The following GABRB2 variants were observed in gnomAD, a reference collection of about 807,000 sequenced individuals.
GABRB2 encodes gamma-aminobutyric acid receptor subunit beta-2.
In GABRB2, 16 loss-of-function variants were observed where a neutral mutation model predicts 54.7. The observed-to-expected ratio is 0.29, with a 90% CI of 0.20 to 0.44. The LOEUF is 0.44. Ranked by LOEUF, GABRB2 falls within the 20% of genes least tolerant of loss-of-function variation. GABRB2 has a pLI of 1.00. For missense variants in GABRB2, 355 were observed against 644.0 expected, an observed-to-expected ratio of 0.55 and a Z score of 4.86; for synonymous variants, 244 against 233.8, an observed-to-expected ratio of 1.04 and a Z score of -0.40.
chr5:161,471,695 A>G (rs1004539073), intron 3 of GABRB2, among the ~76,000 whole-genome samples: 1 of 152,006 alleles, frequency 6.6e-6, no homozygotes, highest in African/African-American at 2.4e-5. Context: ...ATCCAGCCCT[A>G]TAACTGCCTA....
chr5:161,355,395 T>C (rs1754589698), intron 5 of GABRB2, among the ~76,000 whole-genome samples: 1 of 149,742 alleles, frequency 6.7e-6, no homozygotes, highest in African/African-American at 2.4e-5. Flanking sequence ...ATAACAACTG[T>C]CACAGTTGTG....
At chr5:161,309,131 A>G (rs1284460917) in intron 9 of GABRB2, among the ~76,000 whole-genome samples, 1 of 152,236 alleles carries the variant, frequency 6.6e-6, no homozygotes, top group Non-Finnish European at 1.5e-5. Flanking sequence ...AATATCCAGC[A>G]TCTATAAGAA....
chr5:161,402,406 A>T (rs1381244637), intron 5 of GABRB2, among the ~76,000 whole-genome samples: 1 of 152,168 alleles, frequency 6.6e-6, no homozygotes, highest in Non-Finnish European at 1.5e-5. Context: ...TTATGACAGC[A>T]TATTTACCTT....
intron 3 of GABRB2, among the ~76,000 whole-genome samples, chr5:161,523,310 A>G (rs1212868024): frequency 1.3e-5 from 2 of 151,512 alleles, no homozygotes; most frequent in Non-Finnish European, 3.0e-5. Flanking sequence ...AAATTCCTGC[A>G]TTTCTACCAG....
chr5:161,371,464 T>A (rs1002950995), intron 5 of GABRB2, among the ~76,000 whole-genome samples: 1 of 152,136 alleles, frequency 6.6e-6, no homozygotes, highest in Non-Finnish European at 1.5e-5. Flanking sequence ...TGAAAAAGCT[T>A]ATTGGTTTGA....
chr5:161,334,735 G>T lies in GABRB2; in HGVS notation c.832+17C>A. Reference sequence around the variant, plus strand: ...CACACAGAGTCAAAATCCACAAGCAGTAATAAAATGGCCTACCTAATGCCA... The same window carrying T: ...CACACAGAGTCAAAATCCACAAGCATTAATAAAATGGCCTACCTAATGCCA... On this transcript the variant is annotated intron_variant, in intron 7 of 9. Coordinates refer to ENST00000393959, the MANE Select transcript of GABRB2 (RefSeq NM_001371727.1). 1.2e-6 allele frequency: 2 copies of T among 1,612,244 alleles called. No homozygotes were observed. Among genetic ancestry groups the T allele is most frequent in the Non-Finnish European group, 1.7e-6 (2 of 1,179,124 alleles).
At chr5:161,491,058 G>C (rs1343310023) in intron 3 of GABRB2, among the ~76,000 whole-genome samples, 1 of 151,616 alleles carries the variant, frequency 6.6e-6, no homozygotes, top group Admixed American at 6.6e-5. Flanking sequence ...GATAAAGCCA[G>C]CATTATAAAA....
chr5:161,542,637 G>A (rs891790320), intron 3 of GABRB2, among the ~76,000 whole-genome samples: 1 of 152,150 alleles, frequency 6.6e-6, no homozygotes, highest in African/African-American at 2.4e-5. Context: ...CAGTACAAAT[G>A]AGTCAATGAC....
At chr5:161,536,495 A>G (rs1760639452) in intron 3 of GABRB2, among the ~76,000 whole-genome samples, 1 of 152,204 alleles carries the variant, frequency 6.6e-6, no homozygotes, top group Non-Finnish European at 1.5e-5. Flanking sequence ...TTCAATATAA[A>G]GTGTTTAGTA....
intron 5 of GABRB2, among the ~76,000 whole-genome samples, chr5:161,344,543 C>T (rs1754262506): frequency 6.6e-6 from 1 of 151,730 alleles, no homozygotes; most frequent in Admixed American, 6.6e-5. Context: ...TGATGGGAAA[C>T]AACAGATGCT....
chr5:161,333,919 A>T (rs1293901883), intron 7 of GABRB2, among the ~76,000 whole-genome samples: 1 of 152,180 alleles, frequency 6.6e-6, no homozygotes, highest in Non-Finnish European at 1.5e-5. Flanking sequence ...TGTATAATTT[A>T]TGTGGTTATT....
At position 161,440,795 on chromosome 5, in the gene GABRB2, A is replaced by G. The variant is rs1344103838; in HGVS notation, c.458+18829T>C. Among the ~76,000 whole-genome samples, 4 of 152,310 alleles carry G rather than the reference A, an allele frequency of 2.6e-5. No individual in the cohort carries two copies. The South Asian group carries it at 8.3e-4, about 32-fold the overall frequency. On this transcript the variant is annotated intron_variant, in intron 4 of 9. Transcript: ENST00000393959. ...CACATAGACAAATGGAGCAGAATAG[A>G]GGCCCCCGAAACAAATCCACACACC...
intron 5 of GABRB2, among the ~76,000 whole-genome samples, chr5:161,353,834 A>C (rs1269206931): frequency 1.3e-5 from 2 of 151,986 alleles, no homozygotes; most frequent in Non-Finnish European, 2.9e-5. Flanking sequence ...AAAGCAAAAC[A>C]AAAAACCTAA....
chr5:161,434,452 C>T (rs1420848053), intron 4 of GABRB2, among the ~76,000 whole-genome samples: 1 of 152,078 alleles, frequency 6.6e-6, no homozygotes, highest in Non-Finnish European at 1.5e-5. Flanking sequence ...GACTCTTCTT[C>T]CCTCTCTAAC....
At chr5:161,333,831 C>T (rs1561611685) in intron 7 of GABRB2, among the ~76,000 whole-genome samples, 1 of 152,146 alleles carries the variant, frequency 6.6e-6, no homozygotes, top group Non-Finnish European at 1.5e-5. Flanking sequence ...TGAGTGAAGT[C>T]GGCCCTAATT....
In GABRB2 at chr5:161,296,035, T is replaced by C. The variant is rs537727779; in HGVS notation, c.1192-1607A>G. 4.6e-5 allele frequency among the ~76,000 whole-genome samples: 7 copies of C among 152,342 alleles called. No individual in the cohort carries two copies. In the South Asian group the frequency reaches 1.0e-3, roughly 23 times the overall value. On this transcript the variant is annotated intron_variant, in intron 9 of 9. Transcript: ENST00000393959. ...CCAGTGCTTTGCAGCAACTGATTCA[T>C]TGAATGCTCACAACATTCCTTGGAA...
At chr5:161,527,799 A>T (rs919198069) in intron 3 of GABRB2, among the ~76,000 whole-genome samples, 3 of 151,544 alleles carry the variant, frequency 2.0e-5, no homozygotes, top group Admixed American at 2.0e-4. Flanking sequence ...CAAAGATGAA[A>T]AGAATGTATA....
chr5:161,404,632 G>A (rs1214506021), intron 5 of GABRB2, among the ~76,000 whole-genome samples: 1 of 152,102 alleles, frequency 6.6e-6, no homozygotes, highest in Non-Finnish European at 1.5e-5. Flanking sequence ...AGGCACAAGT[G>A]TGAGATGTAT....
At position 161,453,827 on chromosome 5, in the gene GABRB2, A is replaced by G. The variant is rs541811120; in HGVS notation, c.458+5797T>C. ...CGGGGTGGGCAGATCATTTGAAATC[A>G]GGAGTTGAAGACCAGCCTGGCCAAC... On this transcript the variant is annotated intron_variant, in intron 4 of 9. Transcript: ENST00000393959. 4.6e-5 allele frequency among the ~76,000 whole-genome samples: 7 copies of G among 152,242 alleles called. No homozygotes were observed. The East Asian group carries it at 1.4e-3, about 29-fold the overall frequency.
Sources: gnomAD v4.1 joint callset for allele counts (sites outside exome capture counted in the v4.1 genomes callset) on GRCh38, gnomAD v4.1.1 for gene constraint, MANE v1.5 for transcripts, NCBI Gene and HGNC (gene_info 2026-07-23, HGNC 2026-07-21) for gene names.